NEURL1B: variants seen among roughly 807,000 people sequenced by gnomAD.
The protein encoded by NEURL1B is E3 ubiquitin-protein ligase NEURL1B.
In NEURL1B, 13 loss-of-function variants were observed where a neutral mutation model predicts 37.4. The observed-to-expected ratio is 0.35, with a 90% CI of 0.23 to 0.55. The LOEUF (loss-of-function observed/expected upper bound fraction) is 0.55, where lower values mean the gene tolerates loss of function less well. Ranked by LOEUF, NEURL1B falls within the 20% of genes least tolerant of loss-of-function variation. The pLI, the probability that NEURL1B is intolerant of heterozygous loss-of-function variation, is 0.89. For synonymous variants in NEURL1B, 432 were observed against 426.6 expected (o/e 1.01, Z -0.16); for missense variants, 790 against 879.2 (o/e 0.90, Z 1.28).
intron 2 of NEURL1B, among the ~76,000 whole-genome samples, chr5:172,680,282 G>A (rs1044020673): frequency 6.6e-6 from 1 of 152,160 alleles, no homozygotes; most frequent in Non-Finnish European, 1.5e-5. Flanking sequence ...GCATACCTGA[G>A]GTCACATAGC....
Position 172,670,073 on chromosome 5 carries a change from C to A in NEURL1B, c.320C>A (p.Ser107Ter), listed in dbSNP as rs1758093258. The part of the protein sequence containing the change: ...LRFGFTAHDP[S>*]LMSAQDIPKY... Reference sequence around the variant, plus strand: ...TTCGGCTTCACCGCGCACGATCCGTCGCTCATGAGCGCCCAGGACATCCCC... The same window carrying A: ...TTCGGCTTCACCGCGCACGATCCGTAGCTCATGAGCGCCCAGGACATCCCC... The change falls in exon 2 of 5, where the codon TCG becomes TAG. Residue 107 changes from serine to a stop codon, truncating the protein, a stop_gained. Coordinates refer to ENST00000369800, the MANE Select transcript of NEURL1B (RefSeq NM_001142651.3). LOFTEE classifies it high-confidence loss of function. The A allele has an allele frequency of 6.6e-7, 1 of 1,523,928 alleles. No homozygotes were observed. 94.4% of individuals were successfully genotyped at this position (1,523,928 alleles called of 1,614,324 possible).
chr5:172,658,016 G>GC (rs1486811111), intron 1 of NEURL1B, among the ~76,000 whole-genome samples: 1 of 152,126 alleles, frequency 6.6e-6, no homozygotes, highest in Non-Finnish European at 1.5e-5. Context: ...AGAGGGAAGG[G>GC]CCCCCTGTCC....
intron 1 of NEURL1B, among the ~76,000 whole-genome samples, chr5:172,648,073 C>G (rs766299009): frequency 1.3e-5 from 2 of 152,200 alleles, no homozygotes; most frequent in Non-Finnish European, 2.9e-5. Flanking sequence ...GAGAAGTGTC[C>G]TGTCCCCATG....
intron 1 of NEURL1B, among the ~76,000 whole-genome samples, chr5:172,648,973 G>C (rs1022454575): frequency 6.6e-6 from 1 of 152,232 alleles, no homozygotes; most frequent in Non-Finnish European, 1.5e-5. Context: ...GGGAAGCAAA[G>C]ACTCTCCAGC....
chr5:172,686,743 G>A lies in NEURL1B; in HGVS notation c.1486G>A (p.Ala496Thr). 1 of 1,551,594 alleles carries A rather than the reference G, an allele frequency of 6.4e-7. No homozygotes were observed. The highest frequency in any genetic ancestry group is 8.7e-7 in the Non-Finnish European group (1 of 1,147,068). ...CCCCGTGTTCTCCCCACCGGAGCCG[G>A]CAGGCATCAAGAATGGCGAGTGCAC... is the stretch of plus-strand genomic sequence containing the variant. ...VSPVFSPPEPAGIKNGECTVC... is the reference protein window; with the variant it reads ...VSPVFSPPEPTGIKNGECTVC... Residue 496 changes from alanine (A) to threonine (T), a missense_variant, in exon 5 of 5, where the codon GCA (alanine) becomes ACA (threonine). Around this residue, in one of 3 missense-constraint regions of NEURL1B, gnomAD observed 115 missense variants for 162.6 expected, o/e 0.71. Coordinates refer to ENST00000369800, the MANE Select transcript of NEURL1B (RefSeq NM_001142651.3). The surrounding 1 kb of genome is among the most constrained non-coding windows in gnomAD (Gnocchi z 7.9).
At chr5:172,668,552 C>A (rs1219910290) in intron 1 of NEURL1B, among the ~76,000 whole-genome samples, 3 of 152,200 alleles carry the variant, frequency 2.0e-5, no homozygotes, top group Non-Finnish European at 4.4e-5. Context: ...TCATCAAACC[C>A]CCCCACTTCC....
At chr5:172,673,679 G>C (rs1417844902) in intron 2 of NEURL1B, among the ~76,000 whole-genome samples, 1 of 152,074 alleles carries the variant, frequency 6.6e-6, no homozygotes, top group African/African-American at 2.4e-5. Flanking sequence ...GCTCACTGCA[G>C]CCTCGACCTC....
At chr5:172,659,134 T>A (rs1387469711) in intron 1 of NEURL1B, among the ~76,000 whole-genome samples, 1 of 151,176 alleles carries the variant, frequency 6.6e-6, no homozygotes, top group African/African-American at 2.4e-5. Flanking sequence ...AGTCTAGCTT[T>A]TTTCTTGTAG....
In NEURL1B at chr5:172,684,155, G is replaced by A; in HGVS notation, c.1297+17G>A. 1.6e-6 allele frequency: 2 copies of A among 1,214,348 alleles called. No individual in the cohort carries two copies. Among genetic ancestry groups the A allele is most frequent in the Non-Finnish European group, 2.0e-6 (2 of 975,994 alleles). The allele number at this position is 1,214,348 out of a possible 1,614,324, so 75.2% of individuals were successfully genotyped here. A position where few individuals can be genotyped will look rare whatever the true frequency, so the allele number is the denominator to read the frequency against. ...GTCTCCTCGGTGAGTCCCCGGCCCC[G>A]CGTGCGCGAGGCCCCGCCCCTCCCC... On this transcript the variant is annotated intron_variant, in intron 3 of 4. Transcript: ENST00000369800.
intron 2 of NEURL1B, among the ~76,000 whole-genome samples, chr5:172,673,444 C>A (rs1002123146): frequency 2.0e-5 from 3 of 152,094 alleles, no homozygotes; most frequent in Non-Finnish European, 4.4e-5. Context: ...GAATTGAAAA[C>A]CCCTGAGACC....
chr5:172,674,931 G>A (rs774707600), intron 2 of NEURL1B, among the ~76,000 whole-genome samples: 10 of 152,228 alleles, frequency 6.6e-5, no homozygotes, highest in Admixed American at 2.6e-4. Flanking sequence ...GAGCTGTGGC[G>A]CAATCTTGGC....
At chr5:172,669,654 C>T (rs1048625267) in intron 1 of NEURL1B, 131 bp from the exon 2 acceptor site, 6 of 708,436 alleles carry the variant, frequency 8.5e-6, no homozygotes, top group South Asian at 1.3e-4. Context: ...AGCCTGGAAC[C>T]TTCTTAAGTT....
In NEURL1B at chr5:172,683,622, T is replaced by G; in HGVS notation, c.781T>G (p.Cys261Gly). Reference protein sequence around the residue: ...PADAAAAAIPCGPRERPRPAS... With the variant: ...PADAAAAAIPGGPRERPRPAS... ...CGACGCCGCGGCCGCCGCCATTCCG[T>G]GCGGGCCCCGTGAGCGCCCGCGGCC... Residue 261 changes from cysteine to glycine, a missense_variant, in exon 3 of 5, where the codon TGC (cysteine) becomes GGC (glycine). Around this residue, in one of 3 missense-constraint regions of NEURL1B, gnomAD observed 460 missense variants for 407.4 expected, o/e 1.13. Coordinates refer to ENST00000369800, the MANE Select transcript of NEURL1B (RefSeq NM_001142651.3). This position sits in a 1 kb window ranked among gnomAD's most constrained non-coding sequence, Gnocchi z 5.6. The G allele has an allele frequency of 1.6e-6, 2 of 1,250,830 alleles. No individual in the cohort carries two copies. The highest frequency in any genetic ancestry group is 2.0e-6 in the Non-Finnish European group (2 of 994,424). The allele number at this position is 1,250,830 out of a possible 1,614,324, so 77.5% of individuals were successfully genotyped here. A position where few individuals can be genotyped will look rare whatever the true frequency, so the allele number is the denominator to read the frequency against.
In NEURL1B at chr5:172,670,171, C is replaced by A; in HGVS notation, c.418C>A (p.Arg140Ser). Reference sequence around the variant, plus strand: ...GGCACTGCCCGAGAACCTGGCGCTGCGCGACACGGTGCTGGCCTACTGGGC... The same window carrying A: ...GGCACTGCCCGAGAACCTGGCGCTGAGCGACACGGTGCTGGCCTACTGGGC... The part of the protein sequence containing the change: ...AKALPENLAL[R>S]DTVLAYWADR... Residue 140 changes from arginine to serine, a missense_variant, in exon 2 of 5, where the codon CGC (arginine) becomes AGC (serine). This residue lies in a region of NEURL1B where 215 missense variants were observed against 309.2 expected (regional missense o/e 0.70). Coordinates refer to ENST00000369800, the MANE Select transcript of NEURL1B (RefSeq NM_001142651.3). The A allele has an allele frequency of 2.0e-6, 3 of 1,492,700 alleles. No individual in the cohort carries two copies. Among genetic ancestry groups the A allele is most frequent in the Admixed American group, 2.3e-5 (1 of 43,010 alleles). The allele number at this position is 1,492,700 out of a possible 1,614,324, so 92.5% of individuals were successfully genotyped here. A position where few individuals can be genotyped will look rare whatever the true frequency, so the allele number is the denominator to read the frequency against.
chr5:172,680,503 A>G (rs1561651882), intron 2 of NEURL1B, among the ~76,000 whole-genome samples: 1 of 152,206 alleles, frequency 6.6e-6, no homozygotes, highest in African/African-American at 2.4e-5. Flanking sequence ...GGAAAAGTGC[A>G]TTGCACCGAC....
chr5:172,666,942 G>A (rs532545410), intron 1 of NEURL1B, among the ~76,000 whole-genome samples: 184 of 152,248 alleles, frequency 1.2e-3, no homozygotes, highest in Middle Eastern at 0.01. Flanking sequence ...AAATGGGCTT[G>A]TTGGAGGAGA....
rs971413056 is a variant in NEURL1B, at chr5:172,641,627, G to A, written c.31+190G>A. 1.3e-5 allele frequency among the ~76,000 whole-genome samples: 2 copies of A among 152,144 alleles called. No homozygotes were observed. Among genetic ancestry groups the A allele is most frequent in the Admixed American group, 6.5e-5 (1 of 15,280 alleles). ...GCTGGGCTTTGCGCCCCGGGAGGGCGGGTACCGCGTCCTGGTTACCTTGGG... is the reference window on the plus strand; with the variant it reads ...GCTGGGCTTTGCGCCCCGGGAGGGCAGGTACCGCGTCCTGGTTACCTTGGG... On this transcript the variant is annotated intron_variant, in intron 1 of 4. Transcript: ENST00000369800. This position sits in a 1 kb window ranked among gnomAD's most constrained non-coding sequence, Gnocchi z 6.4.
rs17075071 is a variant in NEURL1B, at chr5:172,686,071, G to A, written c.1298-100G>A. 0.11 allele frequency: 162,215 copies of A among 1,418,122 alleles called. 11,612 individuals are homozygous for A. Among genetic ancestry groups the A allele is most frequent in the African/African-American group, 0.32 (22,667 of 70,150 alleles). 87.8% of individuals were successfully genotyped at this position (1,418,122 alleles called of 1,614,324 possible). On this transcript the variant is annotated intron_variant, in intron 3 of 4. Coordinates refer to ENST00000369800, the MANE Select transcript of NEURL1B (RefSeq NM_001142651.3). The surrounding 1 kb of genome is among the most constrained non-coding windows in gnomAD (Gnocchi z 7.9). ...CCTGGGAGATACCTCTGGTCCTCTCGTTAGACGGGAAAGCTAAGGTGCAAA... is the reference window on the plus strand; with the variant it reads ...CCTGGGAGATACCTCTGGTCCTCTCATTAGACGGGAAAGCTAAGGTGCAAA...
In NEURL1B at chr5:172,684,041, G is replaced by C. The variant is rs905227777; in HGVS notation, c.1200G>C (p.Gly400=). The change falls in exon 3 of 5, where the codon GGG becomes GGC. Residue 400 remains glycine, a synonymous_variant. Transcript: ENST00000369800. The part of the protein sequence containing the change: ...PGGDVLLGIN[G]RPRGRLLCVD... ...GCGACGTGCTCCTGGGCATCAACGG[G>C]CGTCCGCGCGGCCGCCTGCTGTGCG... 3.0e-6 allele frequency: 4 copies of C among 1,334,492 alleles called. No homozygotes were observed. The Admixed American group carries it at 1.4e-4, about 48-fold the overall frequency. The allele number at this position is 1,334,492 out of a possible 1,614,324, so 82.7% of individuals were successfully genotyped here.
Sources: allele counts gnomAD v4.1 joint callset (sites outside exome capture counted in the v4.1 genomes callset), GRCh38; gene constraint gnomAD v4.1.1; regional missense constraint gnomAD v4.1.1; non-coding constraint Gnocchi (gnomAD v3.1); transcripts MANE v1.5; gene names NCBI Gene and HGNC (gene_info 2026-07-23, HGNC 2026-07-21).